Variants in GUCY1A1 observed in about 807,000 individuals in gnomAD.
GUCY1A1 encodes the protein guanylate cyclase soluble subunit alpha-1.
A neutral mutation model predicts 64.5 loss-of-function variants in GUCY1A1; 48 were observed. That is an observed-to-expected ratio of 0.74 (90% confidence interval 0.59 to 0.95). GUCY1A1 has a LOEUF of 0.95. GUCY1A1 is among the 40% of genes least tolerant of loss of function. The pLI, the probability that GUCY1A1 is intolerant of heterozygous loss-of-function variation, is 0.00. For missense variants in GUCY1A1, 804 were observed against 825.3 expected (o/e 0.97, Z 0.32); for synonymous variants, 308 against 303.4 (o/e 1.02, Z -0.16).
Position 155,730,419 on chromosome 4 carries a change from GA to G in GUCY1A1, c.*202del, listed in dbSNP as rs34880260. On this transcript the variant is annotated 3_prime_UTR_variant, in exon 10 of 10. Coordinates refer to ENST00000506455, the MANE Select transcript of GUCY1A1 (RefSeq NM_001130682.3). ...TCACTTCAGTACTTCAGCTCTTCAAGAAAAAAAAAAAAAACCTTAAAAAGCT... is the reference window on the plus strand; with the variant it reads ...TCACTTCAGTACTTCAGCTCTTCAAGAAAAAAAAAAAAACCTTAAAAAGCT... The G allele has an allele frequency of 0.52, 167,451 of 320,684 alleles. 28,768 individuals are homozygous for G. Among genetic ancestry groups the G allele is most frequent in the African/African-American group, 0.6 (26,680 of 44,540 alleles). The allele number at this position is 320,684 out of a possible 1,614,324, so 19.9% of individuals were successfully genotyped here. A position where few individuals can be genotyped will look rare whatever the true frequency, so the allele number is the denominator to read the frequency against.
intron 9 of GUCY1A1, among the ~76,000 whole-genome samples, chr4:155,728,208 G>A (rs1237811753): frequency 6.6e-6 from 1 of 151,914 alleles, no homozygotes; most frequent in Non-Finnish European, 1.5e-5. Context: ...TGCTAATGGA[G>A]TGGTTTGCTG....
rs1238784216 is a variant in GUCY1A1 at position 155,722,051 on chromosome 4, T to G, written c.1730T>G (p.Leu577Arg). The G allele has an allele frequency of 1.2e-6, 2 of 1,612,606 alleles. No individual in the cohort carries two copies. Among genetic ancestry groups the G allele is most frequent in the East Asian group, 2.2e-5 (1 of 44,858 alleles). The stretch of plus-strand genomic sequence containing the variant: ...TTTTGCTTTCAGATGCGAATTGGAC[T>G]GCACTCTGGATCAGTTTTTGCTGGC... ...HGEPIKMRIG[L>R]HSGSVFAGVV... Residue 577 changes from leucine (L) to arginine (R), a missense_variant, in exon 9 of 10, where the codon CTG (leucine) becomes CGG (arginine). Coordinates refer to ENST00000506455, the MANE Select transcript of GUCY1A1 (RefSeq NM_001130682.3).
Position 155,730,108 on chromosome 4 carries a change from C to T in GUCY1A1, c.1950C>T (p.Ile650=). Residue 650 remains isoleucine (I), a synonymous_variant, in exon 10 of 10, where the codon ATC becomes ATT. Coordinates refer to ENST00000506455, the MANE Select transcript of GUCY1A1 (RefSeq NM_001130682.3). ...TTCCACCAAACTTCCCTAGTGAAAT[C>T]CCCGGAATCTGCCATTTTCTGGATG... ...EELPPNFPSE[I]PGICHFLDAY... 6.2e-7 allele frequency: 1 copy of T among 1,610,856 alleles called. No homozygotes were observed. Among genetic ancestry groups the T allele is most frequent in the African/African-American group, 1.3e-5 (1 of 74,864 alleles).
intron 2 of GUCY1A1, among the ~76,000 whole-genome samples, chr4:155,685,751 T>A (rs1728920117): frequency 6.6e-6 from 1 of 152,132 alleles, no homozygotes; most frequent in Non-Finnish European, 1.5e-5. Context: ...TGTATAAGTT[T>A]CTTGTCCTTT....
rs1579137216 is a variant in GUCY1A1 at position 155,728,883 on chromosome 4, C to G, written c.1872-1147C>G. On this transcript the variant is annotated intron_variant, in intron 9 of 9. Coordinates refer to ENST00000506455, the MANE Select transcript of GUCY1A1 (RefSeq NM_001130682.3). The stretch of plus-strand genomic sequence containing the variant: ...GACTTTGAAGCTTATACTTTTAATA[C>G]TGTCTAATTCTATACCTTTTCATTA... 2.0e-5 allele frequency among the ~76,000 whole-genome samples: 3 copies of G among 151,864 alleles called. No individual in the cohort carries two copies. In the East Asian group the frequency reaches 5.8e-4, roughly 29 times the overall value.
chr4:155,729,368 A>G (rs897492027), intron 9 of GUCY1A1, among the ~76,000 whole-genome samples: 1 of 151,876 alleles, frequency 6.6e-6, no homozygotes, highest in Non-Finnish European at 1.5e-5. Flanking sequence ...TAGGTTTAGC[A>G]TAATGAACAA....
At position 155,733,821 on chromosome 4, in the gene GUCY1A1, C is replaced by A. The variant is rs1735795125; in HGVS notation, c.*3590C>A. ...TGTGTTTTCCAAAGACTATTAGAAA[C>A]AGCATGGTTAAGGATAGGGTGGATA... is the stretch of plus-strand genomic sequence containing the variant. On this transcript the variant is annotated 3_prime_UTR_variant, in exon 10 of 10. Coordinates refer to ENST00000506455, the MANE Select transcript of GUCY1A1 (RefSeq NM_001130682.3). Among the ~76,000 whole-genome samples the A allele has an allele frequency of 6.6e-6, 1 of 151,326 alleles. No homozygotes were observed. The highest frequency in any genetic ancestry group is 2.4e-5 in the African/African-American group (1 of 41,218).
chr4:155,690,914 T>C (rs1223075643), intron 2 of GUCY1A1, among the ~76,000 whole-genome samples: 2 of 152,124 alleles, frequency 1.3e-5, no homozygotes, highest in Non-Finnish European at 2.9e-5. Context: ...TCGTAAATAT[T>C]TGTTGAATAG....
chr4:155,717,454 C>T (rs1458269260), intron 8 of GUCY1A1, 152 bp downstream of exon 8: 13 of 445,452 alleles, frequency 2.9e-5, no homozygotes, highest in African/African-American at 1.2e-4. Context: ...AACTTGTTTA[C>T]ATTGGAAGAA....
intron 2 of GUCY1A1, among the ~76,000 whole-genome samples, chr4:155,677,165 G>A (rs1321274621): frequency 6.6e-6 from 1 of 152,218 alleles, no homozygotes; most frequent in African/African-American, 2.4e-5. Flanking sequence ...TTTGGCATAT[G>A]TGAATGAATG....
At chr4:155,677,855 A>T (rs938981011) in intron 2 of GUCY1A1, among the ~76,000 whole-genome samples, 3 of 151,102 alleles carry the variant, frequency 2.0e-5, no homozygotes, top group African/African-American at 7.3e-5. Context: ...CCATTTCAAA[A>T]ATATATATAT....
intron 2 of GUCY1A1, among the ~76,000 whole-genome samples, chr4:155,692,033 A>G (rs1370342381): frequency 6.6e-6 from 1 of 152,140 alleles, no homozygotes. Flanking sequence ...CTTATAAGTG[A>G]GAACATGCGG....
chr4:155,711,696 G>T (rs867090589), intron 6 of GUCY1A1, among the ~76,000 whole-genome samples: 44 of 152,200 alleles, frequency 2.9e-4, no homozygotes, highest in African/African-American at 1.0e-3. Flanking sequence ...AATTGTTACC[G>T]AATGTGGAAG....
chr4:155,677,635 G>A (rs1316024297), intron 2 of GUCY1A1, among the ~76,000 whole-genome samples: 2 of 152,132 alleles, frequency 1.3e-5, no homozygotes, highest in African/African-American at 4.8e-5. Context: ...CAGATCACCT[G>A]AGGTCAGGAG....
intron 5 of GUCY1A1, among the ~76,000 whole-genome samples, chr4:155,709,588 C>A (rs1481966007): frequency 6.6e-6 from 1 of 152,184 alleles, no homozygotes; most frequent in Admixed American, 6.5e-5. Flanking sequence ...AATCCCAGCA[C>A]TTTAGGAGGC....
At chr4:155,674,337 G>A (rs1445193216) in intron 2 of GUCY1A1, among the ~76,000 whole-genome samples, 1 of 133,744 alleles carries the variant, frequency 7.5e-6, no homozygotes, top group African/African-American at 3.0e-5. Flanking sequence ...CTGGGCGACA[G>A]AGCGAGACTC....
chr4:155,705,347 G>A (rs1731605734), intron 4 of GUCY1A1, among the ~76,000 whole-genome samples: 2 of 151,946 alleles, frequency 1.3e-5, no homozygotes, highest in South Asian at 2.1e-4. Flanking sequence ...TCAGGAGTTC[G>A]AGACCAGACT....
chr4:155,696,861 C>A lies in GUCY1A1; in HGVS notation c.-7C>A, dbSNP rs1427228786. On this transcript the variant is annotated 5_prime_UTR_variant, in exon 3 of 10. Transcript: ENST00000506455. ...GAGATCGCAGCAGGGTAAGAGACAC[C>A]AACACCATGTTCTGCACGAAGCTCA... 41 of 1,613,122 alleles carry A rather than the reference C, an allele frequency of 2.5e-5. No homozygotes were observed. The highest frequency in any genetic ancestry group is 3.4e-5 in the Non-Finnish European group (40 of 1,179,280).
intron 5 of GUCY1A1, among the ~76,000 whole-genome samples, chr4:155,709,542 A>T (rs1257024047): frequency 6.6e-6 from 1 of 152,182 alleles, no homozygotes; most frequent in African/African-American, 2.4e-5. Flanking sequence ...TACTAAAAAA[A>T]CTGCCTCTTG....
Sources: allele counts gnomAD v4.1 joint callset (sites outside exome capture counted in the v4.1 genomes callset), GRCh38; gene constraint gnomAD v4.1.1; transcripts MANE v1.5; gene names NCBI Gene and HGNC (gene_info 2026-07-23, HGNC 2026-07-21).